C2orf76: variants seen among roughly 807,000 people sequenced by gnomAD.
C2orf76 encodes the protein chromosome 2 open reading frame 76.
Under a neutral mutation model 16.9 loss-of-function variants are expected in C2orf76, and 23 were observed. The observed-to-expected ratio is 1.36, with a 90% CI of 0.98 to 1.93. The LOEUF (loss-of-function observed/expected upper bound fraction) is 1.93. C2orf76 is among the 30% of genes most tolerant of loss of function. The pLI, the probability that C2orf76 is intolerant of heterozygous loss-of-function variation, is 0.00. For missense variants in C2orf76, 152 were observed against 152.6 expected (o/e 1.00, Z 0.02); for synonymous variants, 48 against 52.3 (o/e 0.92, Z 0.35).
chr2:119,351,527 G>T (rs1333068902), intron 1 of C2orf76, among the ~76,000 whole-genome samples: 2 of 152,202 alleles, frequency 1.3e-5, no homozygotes, highest in East Asian at 3.9e-4. Flanking sequence ...CAGGCGGGAG[G>T]ATCACTTGAG....
chr2:119,312,566 C>T (rs1442961213), intron 4 of C2orf76, among the ~76,000 whole-genome samples: 3 of 152,068 alleles, frequency 2.0e-5, no homozygotes, highest in South Asian at 2.1e-4. Flanking sequence ...ATACTTCAAA[C>T]GGCCAGAAGT....
chr2:119,297,992 T>C (rs1047020309), downstream of C2orf76, among the ~76,000 whole-genome samples: 10 of 151,478 alleles, frequency 6.6e-5, no homozygotes, highest in African/African-American at 2.4e-4. Flanking sequence ...TCATTTTTTA[T>C]GAGACAGGGT....
the C2orf76 span, among the ~76,000 whole-genome samples, chr2:119,285,739 A>G: frequency 1.3e-5 from 2 of 152,238 alleles, no homozygotes; most frequent in South Asian, 2.1e-4. Context: ...ATTTCTTAAT[A>G]TAAGTTCCAG....
chr2:119,352,809 G>A (rs1426069025), intron 1 of C2orf76, among the ~76,000 whole-genome samples: 2 of 152,196 alleles, frequency 1.3e-5, no homozygotes, highest in Admixed American at 6.5e-5. Context: ...TATATATAGA[G>A]AGAGTGTATT....
Position 119,316,404 on chromosome 2 carries a change from GA to G in C2orf76, c.222+1061del, listed in dbSNP as rs111578487. On this transcript the variant is annotated intron_variant, in intron 4 of 5. Coordinates refer to ENST00000334816, the MANE Select transcript of C2orf76 (RefSeq NM_001322331.2). ...AAGGAACCAAGCCTACTAAACCCTT[GA>G]CTTTTGCTCAGTGAAACTGATTTTG... 1.2e-3 allele frequency among the ~76,000 whole-genome samples: 189 copies of G among 152,336 alleles called. 5 individuals carry two copies. The highest frequency in any genetic ancestry group is 4.4e-3 in the African/African-American group (184 of 41,582).
intron 2 of C2orf76, among the ~76,000 whole-genome samples, chr2:119,334,408 C>T (rs1193445283): frequency 3.7e-5 from 5 of 135,382 alleles, no homozygotes; most frequent in South Asian, 2.4e-4. Context: ...AAAAAAAGGT[C>T]GGGCACAGCG....
chr2:119,305,612 A>G (rs567701094), intron 5 of C2orf76, among the ~76,000 whole-genome samples: 17 of 152,278 alleles, frequency 1.1e-4, no homozygotes, highest in African/African-American at 3.9e-4. Flanking sequence ...ACATGTGACA[A>G]TAACTGCACA....
intron 1 of C2orf76, chr2:119,366,292 C>T (rs1395049202): frequency 7.7e-6 from 3 of 389,628 alleles, no homozygotes; most frequent in Non-Finnish European, 1.5e-5. Flanking sequence ...ATTTGCTGAG[C>T]ACTTCGTCCC....
At chr2:119,319,194 T>C (rs1679270003) in intron 3 of C2orf76, among the ~76,000 whole-genome samples, 1 of 152,144 alleles carries the variant, frequency 6.6e-6, no homozygotes, top group Non-Finnish European at 1.5e-5. Flanking sequence ...GCCTTTAAAC[T>C]AGAAATCCTG....
chr2:119,318,848 A>G (rs542049738), intron 3 of C2orf76, among the ~76,000 whole-genome samples: 5 of 152,254 alleles, frequency 3.3e-5, no homozygotes, highest in Middle Eastern at 3.4e-3. Flanking sequence ...TACAAGGTCA[A>G]CATAATCCTC....
At chr2:119,346,054 CAAAA>C (rs56669262) in intron 1 of C2orf76, among the ~76,000 whole-genome samples, 1 of 73,534 alleles carries the variant, frequency 1.4e-5, no homozygotes, top group Non-Finnish European at 2.9e-5. Flanking sequence ...GACGCCATCT[CAAAA>C]AAAAAAAAAA....
intron 2 of C2orf76, chr2:119,339,085 T>A (rs1250009994): frequency 2.0e-5 from 3 of 152,214 alleles, no homozygotes; most frequent in East Asian, 1.9e-4. Flanking sequence ...TTGCAACTTG[T>A]CTATGAGTTT....
At chr2:119,342,802 C>T (rs578016161) in intron 1 of C2orf76, among the ~76,000 whole-genome samples, 1 of 152,094 alleles carries the variant, frequency 6.6e-6, no homozygotes, top group South Asian at 2.1e-4. Context: ...CACTCTGTCG[C>T]CAGGCTGGAG....
At chr2:119,296,702 C>T in the C2orf76 span, among the ~76,000 whole-genome samples, 1 of 152,198 alleles carries the variant, frequency 6.6e-6, no homozygotes, top group South Asian at 2.1e-4. Flanking sequence ...AAAGAAAACC[C>T]GTTTGCTACG....
chr2:119,315,327 G>A lies in C2orf76; in HGVS notation c.222+2139C>T, dbSNP rs191838993. 2.2e-4 allele frequency among the ~76,000 whole-genome samples: 33 copies of A among 152,160 alleles called. 1 individual carries two copies. In the East Asian group the frequency reaches 6.4e-3, roughly 29 times the overall value. ...AAGTCTCTAAGCCCAGAAAATTAGG[G>A]AAATGGGGAAAATGCCTTTTATGAA... On this transcript the variant is annotated intron_variant, in intron 4 of 5. Coordinates refer to ENST00000334816, the MANE Select transcript of C2orf76 (RefSeq NM_001322331.2).
chr2:119,349,092 C>T (rs928891250), intron 1 of C2orf76, among the ~76,000 whole-genome samples: 2 of 152,186 alleles, frequency 1.3e-5, no homozygotes, highest in African/African-American at 4.8e-5. Flanking sequence ...GGAGAGATGT[C>T]CAGAAAAGCC....
intron 1 of C2orf76, among the ~76,000 whole-genome samples, chr2:119,345,018 T>C (rs1158561852): frequency 6.6e-6 from 1 of 152,126 alleles, no homozygotes; most frequent in Non-Finnish European, 1.5e-5. Flanking sequence ...AAATAACGTG[T>C]CTATGAAACA....
chr2:119,307,868 A>G (rs1678849660), intron 5 of C2orf76, among the ~76,000 whole-genome samples: 1 of 152,244 alleles, frequency 6.6e-6, no homozygotes, highest in African/African-American at 2.4e-5. Context: ...ATATTTTAGT[A>G]AAGTCAAAAC....
At chr2:119,327,017 G>A (rs563671628) in intron 2 of C2orf76, among the ~76,000 whole-genome samples, 20 of 152,198 alleles carry the variant, frequency 1.3e-4, no homozygotes, top group African/African-American at 4.1e-4. Flanking sequence ...ACAGTTTCAC[G>A]TCCTCCTTTC....
Sources: allele counts gnomAD v4.1 joint callset (sites outside exome capture counted in the v4.1 genomes callset), GRCh38; gene constraint gnomAD v4.1.1; transcripts MANE v1.5; gene names NCBI Gene and HGNC (gene_info 2026-07-23, HGNC 2026-07-21).